CD63: variants seen among roughly 807,000 people sequenced by gnomAD.
CD63 encodes the protein CD63 molecule.
Under a neutral mutation model 29.2 loss-of-function variants are expected in CD63, and 16 were observed. The observed-to-expected ratio is 0.55, with a 90% CI of 0.37 to 0.83. The LOEUF (loss-of-function observed/expected upper bound fraction) is 0.83, where lower values mean the gene tolerates loss of function less well. Among genes scored for constraint, CD63 ranks in the 40% least tolerant of loss-of-function variants. The pLI is 0.00. For missense variants in CD63, 251 were observed against 297.3 expected (o/e 0.84, Z 1.15); for synonymous variants, 118 against 111.7 (o/e 1.06, Z -0.36).
intron 2 of CD63, chr12:55,727,928 G>C (rs1303735477): frequency 1.7e-6 from 2 of 1,172,634 alleles, no homozygotes; most frequent in East Asian, 1.0e-4. Flanking sequence ...GTTGGGGAGG[G>C]AGAGAGGGGA....
rs749950278 is a variant in CD63 at position 55,726,884 on chromosome 12, G to GCTTAC, written c.330+1_330+5dup. 6.2e-7 allele frequency: 1 copy of GCTTAC among 1,613,610 alleles called. No homozygotes were observed. Among genetic ancestry groups the GCTTAC allele is most frequent in the African/African-American group, 1.3e-5 (1 of 74,910 alleles). On this transcript the variant is annotated splice_donor_region_variant and intron_variant, in intron 4 of 7. Coordinates refer to ENST00000257857, the MANE Select transcript of CD63 (RefSeq NM_001780.6). ...AGGCAGGCCCTTCCCATTATTCCCT[G>GCTTAC]CTTACCTTATCTCTAAACACATAGC...
At position 55,728,489 on chromosome 12, in the gene CD63, A is replaced by G. The variant is rs1877669607; in HGVS notation, c.-11-137T>C. On this transcript the variant is annotated intron_variant, in intron 1 of 7. Transcript: ENST00000257857. The surrounding 1 kb of genome is among the most constrained non-coding windows in gnomAD (Gnocchi z 4.8). Reference sequence around the variant, plus strand: ...CTCCCACCCGGAAACCCGCGGTCGGATCCACGTCTCCCAGCCCCCTCTTTA... The same window carrying G: ...CTCCCACCCGGAAACCCGCGGTCGGGTCCACGTCTCCCAGCCCCCTCTTTA... The G allele has an allele frequency of 6.7e-7, 1 of 1,484,262 alleles. No homozygotes were observed. The highest frequency in any genetic ancestry group is 1.4e-5 in the African/African-American group (1 of 71,628). 91.9% of individuals were successfully genotyped at this position (1,484,262 alleles called of 1,614,324 possible). A position where few individuals can be genotyped will look rare whatever the true frequency, so the allele number is the denominator to read the frequency against.
rs1877673804 is a variant in CD63 at position 55,728,524 on chromosome 12, G to A, written c.-11-172C>T. ...CCCAGCCCCCTCTTTACCCGCAGGA[G>A]AGGGGTGGGGGCGACGGCCGCGAAG... is the stretch of plus-strand genomic sequence containing the variant. On this transcript the variant is annotated intron_variant, in intron 1 of 7. Coordinates refer to ENST00000257857, the MANE Select transcript of CD63 (RefSeq NM_001780.6). The surrounding 1 kb of genome is among the most constrained non-coding windows in gnomAD (Gnocchi z 4.8). 3 of 1,451,848 alleles carry A rather than the reference G, an allele frequency of 2.1e-6. No homozygotes were observed. Among genetic ancestry groups the A allele is most frequent in the Non-Finnish European group, 2.7e-6 (3 of 1,107,142 alleles). 89.9% of individuals were successfully genotyped at this position (1,451,848 alleles called of 1,614,324 possible).
rs547401184 is a variant in CD63 at position 55,728,758 on chromosome 12, C to CA, written c.-12+194dup. ...CCTGGGCTCTGACCTCCCCGCCCAC[C>CA]AAAAAAAAAAAAAGTGCAGCCAGCA... On this transcript the variant is annotated intron_variant, in intron 1 of 7. Coordinates refer to ENST00000257857, the MANE Select transcript of CD63 (RefSeq NM_001780.6). This position sits in a 1 kb window ranked among gnomAD's most constrained non-coding sequence, Gnocchi z 4.8. 0.18 allele frequency: 133,423 copies of CA among 750,324 alleles called. No homozygotes were observed. Among genetic ancestry groups the CA allele is most frequent in the Non-Finnish European group, 0.2 (121,933 of 620,760 alleles). 46.5% of individuals were successfully genotyped at this position (750,324 alleles called of 1,614,324 possible). A position where few individuals can be genotyped will look rare whatever the true frequency, so the allele number is the denominator to read the frequency against.
At position 55,726,760 on chromosome 12, in the gene CD63, C is replaced by G; in HGVS notation, c.366G>C (p.Gln122His). 1.2e-6 allele frequency: 2 copies of G among 1,614,142 alleles called. No homozygotes were observed. Among genetic ancestry groups the G allele is most frequent in the Middle Eastern group, 1.6e-4 (1 of 6,062 alleles). The change falls in exon 5 of 8, where the codon CAG becomes CAC. Residue 122 changes from glutamine to histidine, a missense_variant. Gln to His is a conservative substitution (Grantham distance 24). Coordinates refer to ENST00000257857, the MANE Select transcript of CD63 (RefSeq NM_001780.6). ...MSEFNNNFRQQMENYPKNNHT... is the reference protein window; with the variant it reads ...MSEFNNNFRQHMENYPKNNHT... ...GGTTGTTTTTCGGGTAATTCTCCAT[C>G]TGCTGCCGGAAGTTGTTATTAAACT... is the stretch of plus-strand genomic sequence containing the variant.
chr12:55,724,070 A>G (rs1341511809), downstream of CD63: 32 of 1,603,464 alleles, frequency 2.0e-5, no homozygotes, highest in Non-Finnish European at 9.3e-6. Context: ...AGGCCCACAC[A>G]GGGGCACATG....
Position 55,726,728 on chromosome 12 carries a change from G to A in CD63, c.398C>T (p.Ala133Val), listed in dbSNP as rs1379128460. The change falls in exon 5 of 8, where the codon GCT (alanine) becomes GTT (valine). Residue 133 changes from alanine (A) to valine (V), a missense_variant. Ala to Val is a moderately conservative substitution (Grantham distance 64). Coordinates refer to ENST00000257857, the MANE Select transcript of CD63 (RefSeq NM_001780.6). ...MENYPKNNHT[A>V]SILDRMQADF... is the part of the protein sequence containing the mutation. Reference sequence around the variant, plus strand: ...TGCCTGCATCCTGTCCAGGATCGAAGCAGTGTGGTTGTTTTTCGGGTAATT... The same window carrying A: ...TGCCTGCATCCTGTCCAGGATCGAAACAGTGTGGTTGTTTTTCGGGTAATT... 6.2e-7 allele frequency: 1 copy of A among 1,613,902 alleles called. No homozygotes were observed. The highest frequency in any genetic ancestry group is 1.3e-5 in the African/African-American group (1 of 74,904).
At chr12:55,724,530 C>G (rs749940217), downstream of CD63, 1 of 1,611,754 alleles carries the variant, frequency 6.2e-7, no homozygotes, top group South Asian at 1.1e-5. Flanking sequence ...CCAAGCCTGC[C>G]CAAGCAGTCT....
Position 55,728,163 on chromosome 12 carries a change from T to A in CD63, c.66+113A>T. The stretch of plus-strand genomic sequence containing the variant: ...CTGCGCTGTCTTTCCCTGGCTTTCT[T>A]TCCACATCTGGTCTCCAGCTGCCTT... On this transcript the variant is annotated intron_variant, in intron 2 of 7. Transcript: ENST00000257857. This position sits in a 1 kb window ranked among gnomAD's most constrained non-coding sequence, Gnocchi z 4.8. 9.8e-7 allele frequency: 1 copy of A among 1,020,774 alleles called. No homozygotes were observed. Among genetic ancestry groups the A allele is most frequent in the South Asian group, 1.4e-5 (1 of 72,276 alleles). The allele number at this position is 1,020,774 out of a possible 1,614,324, so 63.2% of individuals were successfully genotyped here. A position where few individuals can be genotyped will look rare whatever the true frequency, so the allele number is the denominator to read the frequency against.
chr12:55,723,801 C>T (rs1439131555), downstream of CD63: 5 of 1,527,022 alleles, frequency 3.3e-6, no homozygotes, highest in Non-Finnish European at 4.5e-6. Flanking sequence ...TCTGTGGTAA[C>T]TTTCTCAGCT....
At position 55,728,074 on chromosome 12, in the gene CD63, C is replaced by T. The variant is rs960808365; in HGVS notation, c.66+202G>A. On this transcript the variant is annotated intron_variant, in intron 2 of 7. Transcript: ENST00000257857. This position sits in a 1 kb window ranked among gnomAD's most constrained non-coding sequence, Gnocchi z 4.8. ...GATGGGGGTAGGGGTTGCTGCACACCCAGGATGGCCATTCTCGGTGGAAAC... is the reference window on the plus strand; with the variant it reads ...GATGGGGGTAGGGGTTGCTGCACACTCAGGATGGCCATTCTCGGTGGAAAC... 1.3e-5 allele frequency among the ~76,000 whole-genome samples: 2 copies of T among 151,748 alleles called. No homozygotes were observed. Among genetic ancestry groups the T allele is most frequent in the African/African-American group, 4.8e-5 (2 of 41,248 alleles).
At chr12:55,725,214 T>C (rs1877171106), downstream of CD63, 1 of 348,060 alleles carries the variant, frequency 2.9e-6, no homozygotes, top group Admixed American at 4.5e-5. Flanking sequence ...CTGCTTTGAC[T>C]TATGCAGCAG....
Position 55,728,934 on chromosome 12 carries a change from C to G in CD63, c.-12+19G>C. On this transcript the variant is annotated intron_variant, in intron 1 of 7. Transcript: ENST00000257857. The surrounding 1 kb of genome is among the most constrained non-coding windows in gnomAD (Gnocchi z 4.8). ...TCTCCCAGCCCGCGCCGAAGTCCGC[C>G]GGGTCCCCGCGGCCTCACCTGGGCT... 1 of 985,504 alleles carries G rather than the reference C, an allele frequency of 1.0e-6. No individual in the cohort carries two copies. Among genetic ancestry groups the G allele is most frequent in the Non-Finnish European group, 1.2e-6 (1 of 829,996 alleles). 61.0% of individuals were successfully genotyped at this position (985,504 alleles called of 1,614,324 possible).
In CD63 at chr12:55,725,892, C is replaced by G; in HGVS notation, c.572G>C (p.Cys191Ser). The part of the protein sequence containing the change: ...FNEKAIHKEG[C>S]VEKIGGWLRK... ...CAGCCAGCCCCCAATCTTCTCCACA[C>G]AGCCCTGAAGGTGGCAGGCACAAAG... The change falls in exon 7 of 8, where the codon TGT becomes TCT. Residue 191 changes from cysteine (C) to serine (S), a missense_variant. By Grantham distance (112) the Cys-to-Ser change is moderately radical. Coordinates refer to ENST00000257857, the MANE Select transcript of CD63 (RefSeq NM_001780.6). 3.7e-6 allele frequency: 6 copies of G among 1,613,994 alleles called. No homozygotes were observed. Among genetic ancestry groups the G allele is most frequent in the Non-Finnish European group, 5.1e-6 (6 of 1,179,924 alleles).
downstream of CD63, chr12:55,724,064 C>T (rs752367722): frequency 1.2e-6 from 2 of 1,605,254 alleles, no homozygotes; most frequent in Non-Finnish European, 1.7e-6. Flanking sequence ...GTAGCCAGGC[C>T]CACACAGGGG....
chr12:55,727,979 G>A, intron 2 of CD63: 1 of 1,207,430 alleles, frequency 8.3e-7, no homozygotes, highest in Non-Finnish European at 1.1e-6. Flanking sequence ...ATAGCATCAG[G>A]CGGTTGGCTG....
intron 5 of CD63, 30 bp from the exon 6 acceptor site, chr12:55,726,291 G>A (rs768173507): frequency 2.0e-6 from 3 of 1,505,630 alleles, no homozygotes; most frequent in South Asian, 2.3e-5. Context: ...TGGAGAAGAA[G>A]GTTGTTAAGT....
In CD63 at chr12:55,728,870, G is replaced by A. The variant is rs1002391724; in HGVS notation, c.-12+83C>T. On this transcript the variant is annotated intron_variant, in intron 1 of 7. Transcript: ENST00000257857. The surrounding 1 kb of genome is among the most constrained non-coding windows in gnomAD (Gnocchi z 4.8). ...GAGAGCGCCGGACGAGTCTCCGCGG[G>A]CCTGGGGCGAGCCCTGGAGGAAGGG... 3.0e-6 allele frequency: 3 copies of A among 990,046 alleles called. No homozygotes were observed. Among genetic ancestry groups the A allele is most frequent in the Non-Finnish European group, 3.6e-6 (3 of 832,560 alleles). The allele number at this position is 990,046 out of a possible 1,614,324, so 61.3% of individuals were successfully genotyped here.
intron 5 of CD63, 137 bp from the exon 6 acceptor site, chr12:55,726,398 G>GC (rs1877363632): frequency 3.8e-6 from 3 of 789,030 alleles, no homozygotes. Flanking sequence ...CAAGTGCCCA[G>GC]CGGTGGCTCA....
Sources: allele counts gnomAD v4.1 joint callset (sites outside exome capture counted in the v4.1 genomes callset), GRCh38; gene constraint gnomAD v4.1.1; non-coding constraint Gnocchi (gnomAD v3.1); transcripts MANE v1.5; gene names NCBI Gene and HGNC (gene_info 2026-07-23, HGNC 2026-07-21).